NCK2: variants seen among roughly 807,000 people sequenced by gnomAD.
NCK2 encodes NCK adaptor protein 2, also known as cytoplasmic protein NCK2.
NCK2 carries 16 observed loss-of-function variants against 33.9 expected under a neutral mutation model. That is an observed-to-expected ratio of 0.47 (90% CI 0.32 to 0.72). The LOEUF is 0.72. Ranked by LOEUF, NCK2 falls within the 30% of genes least tolerant of loss-of-function variation. The probability of loss-of-function intolerance (pLI) is 0.03; values close to 1 mark genes in which losing one functional copy is unlikely to be tolerated. For synonymous variants in NCK2, 273 were observed against 239.9 expected (o/e 1.14, Z -1.27); for missense variants, 418 against 537.3 (o/e 0.78, Z 2.19).
chr2:105,748,478 G>A (rs889598175), intron 1 of NCK2, among the ~76,000 whole-genome samples: 7 of 152,092 alleles, frequency 4.6e-5, no homozygotes, highest in Admixed American at 6.5e-5. Context: ...TCGAGCTTCT[G>A]GGTTCAGGCA....
At chr2:105,841,209 G>A (rs1009158875) in intron 2 of NCK2, among the ~76,000 whole-genome samples, 2 of 150,312 alleles carry the variant, frequency 1.3e-5, no homozygotes, top group African/African-American at 2.5e-5. Flanking sequence ...TAACCTTTTC[G>A]CCTTAACCGC....
intron 1 of NCK2, among the ~76,000 whole-genome samples, chr2:105,766,167 T>C (rs1171572195): frequency 3.3e-5 from 5 of 151,742 alleles, no homozygotes; most frequent in Non-Finnish European, 5.9e-5. Flanking sequence ...AGTGGGGAAG[T>C]GGGGCCTAGG....
chr2:105,813,159 T>C (rs1675352912), intron 1 of NCK2, among the ~76,000 whole-genome samples: 2 of 152,172 alleles, frequency 1.3e-5, no homozygotes, highest in Non-Finnish European at 2.9e-5. Flanking sequence ...AAGATGTATC[T>C]CCCAGGGTTG....
chr2:105,823,133 TG>T (rs1436697991), intron 2 of NCK2, among the ~76,000 whole-genome samples: 1 of 2,152 alleles, frequency 4.6e-4, no homozygotes, highest in African/African-American at 2.4e-3. Flanking sequence ...CCTCTCATGC[TG>T]TGTGTGTGTG....
intron 1 of NCK2, among the ~76,000 whole-genome samples, chr2:105,746,418 G>C (rs1486544522): frequency 6.6e-6 from 1 of 152,210 alleles, no homozygotes; most frequent in Non-Finnish European, 1.5e-5. Context: ...AGTGATTCAG[G>C]GTGTTTTTCA....
intron 2 of NCK2, among the ~76,000 whole-genome samples, chr2:105,844,766 ATATGTATG>A (rs979516215): frequency 3.0e-5 from 4 of 132,728 alleles, no homozygotes; most frequent in African/African-American, 1.0e-4. Context: ...ATATATATAT[ATATGTATG>A]TATGTATATA....
chr2:105,746,431 C>A (rs1223893960), intron 1 of NCK2, among the ~76,000 whole-genome samples: 1 of 152,218 alleles, frequency 6.6e-6, no homozygotes, highest in East Asian at 1.9e-4. Context: ...GTTTTTCATG[C>A]CTCTGTTTTA....
At position 105,751,564 on chromosome 2, in the gene NCK2, A is replaced by G. The variant is rs185060709; in HGVS notation, c.-201+6426A>G. On this transcript the variant is annotated intron_variant, in intron 1 of 4. Transcript: ENST00000233154. ...TCCCCATATACACACATGCTGAGCT[A>G]CAAGTCATCTGTGGCCACCCACTGA... 4.6e-5 allele frequency among the ~76,000 whole-genome samples: 7 copies of G among 152,316 alleles called. No individual in the cohort carries two copies. In the East Asian group the frequency reaches 1.2e-3, roughly 25 times the overall value.
intron 1 of NCK2, among the ~76,000 whole-genome samples, chr2:105,758,323 G>C (rs777273129): frequency 1.3e-5 from 2 of 149,826 alleles, no homozygotes; most frequent in Non-Finnish European, 3.0e-5. Flanking sequence ...TTACAGGTTT[G>C]TTTTATCCTA....
rs770047813 is a variant in NCK2 at position 105,881,387 on chromosome 2, G to A, written c.286G>A (p.Asp96Asn). ...ARDASPTPST[D>N]AEYPANGSGA... ...GGATGCGTCCCCCACGCCCAGCACG[G>A]ACGCCGAGTACCCCGCCAATGGCAG... The change falls in exon 4 of 5, where the codon GAC (aspartate) becomes AAC (asparagine). Residue 96 changes from aspartate (D) to asparagine (N), a missense_variant. Asp to Asn is a conservative substitution (Grantham distance 23, BLOSUM62 1). Coordinates refer to ENST00000233154, the MANE Select transcript of NCK2 (RefSeq NM_003581.5). 6.8e-6 allele frequency: 11 copies of A among 1,611,024 alleles called. No individual in the cohort carries two copies. The South Asian group carries it at 1.2e-4, about 18-fold the overall frequency.
chr2:105,889,571 C>CT (rs35868906), intron 4 of NCK2, among the ~76,000 whole-genome samples: 1,738 of 132,754 alleles, frequency 0.013, 12 homozygotes, highest in Non-Finnish European at 0.018. Context: ...ATTTGCATTT[C>CT]TTTTTTTTTT....
chr2:105,799,162 G>A (rs1691181966), intron 1 of NCK2, among the ~76,000 whole-genome samples: 1 of 151,308 alleles, frequency 6.6e-6, no homozygotes, highest in African/African-American at 2.4e-5. Flanking sequence ...CTTTTTATTT[G>A]TCTTTGGAAT....
intron 3 of NCK2, among the ~76,000 whole-genome samples, chr2:105,872,313 G>A (rs923568270): frequency 6.6e-5 from 10 of 152,188 alleles, no homozygotes; most frequent in Non-Finnish European, 1.3e-4. Context: ...TGCCCTTGCT[G>A]TTCACAGTGT....
intron 1 of NCK2, among the ~76,000 whole-genome samples, chr2:105,807,415 G>A (rs747165313): frequency 6.6e-6 from 1 of 152,180 alleles, no homozygotes; most frequent in Non-Finnish European, 1.5e-5. Flanking sequence ...GTTGTTCTTT[G>A]TAGAAATAAA....
chr2:105,790,085 C>T (rs530226468), intron 1 of NCK2, among the ~76,000 whole-genome samples: 66 of 152,332 alleles, frequency 4.3e-4, no homozygotes, highest in African/African-American at 1.6e-3. Context: ...TGGAATGTTA[C>T]TTCCTATTTG....
At position 105,893,968 on chromosome 2, in the gene NCK2, A is replaced by C. The variant is rs908927393; in HGVS notation, c.*792A>C. 6.6e-6 allele frequency: 1 copy of C among 150,666 alleles called. No individual in the cohort carries two copies. Among genetic ancestry groups the C allele is most frequent in the African/African-American group, 2.5e-5 (1 of 40,682 alleles). The allele number at this position is 150,666 out of a possible 1,614,324, so 9.3% of individuals were successfully genotyped here. On this transcript the variant is annotated 3_prime_UTR_variant, in exon 5 of 5. Coordinates refer to ENST00000233154, the MANE Select transcript of NCK2 (RefSeq NM_003581.5). ...AAAACAGCTGATCTTTGGGGAAGGG[A>C]GCTACCAACACTTTATACACACACA... is the stretch of plus-strand genomic sequence containing the variant.
chr2:105,886,915 C>G (rs1456248071), intron 4 of NCK2, among the ~76,000 whole-genome samples: 1 of 152,152 alleles, frequency 6.6e-6, no homozygotes, highest in East Asian at 1.9e-4. Context: ...AAGATTACTT[C>G]CAAAGTTAAT....
intron 3 of NCK2, among the ~76,000 whole-genome samples, chr2:105,866,637 C>T (rs186507480): frequency 7.2e-5 from 11 of 152,300 alleles, no homozygotes; most frequent in Admixed American, 6.5e-4. Context: ...AATGCTGCAC[C>T]GCCTGACAGG....
Position 105,881,356 on chromosome 2 carries a change from C to A in NCK2, c.255C>A (p.Ser85Arg). 6.2e-7 allele frequency: 1 copy of A among 1,604,508 alleles called. No individual in the cohort carries two copies. The highest frequency in any genetic ancestry group is 8.5e-7 in the Non-Finnish European group (1 of 1,178,150). The stretch of plus-strand genomic sequence containing the variant: ...TCGGCAAGACGCGCAGGAAGACCAG[C>A]GCGCGGGATGCGTCCCCCACGCCCA... ...LGLGKTRRKT[S>R]ARDASPTPST... The change falls in exon 4 of 5, where the codon AGC (serine) becomes AGA (arginine). Residue 85 changes from serine to arginine, a missense_variant. Transcript: ENST00000233154.
Sources: gnomAD v4.1 joint callset for allele counts (sites outside exome capture counted in the v4.1 genomes callset) on GRCh38, gnomAD v4.1.1 for gene constraint, MANE v1.5 for transcripts, NCBI Gene and HGNC (gene_info 2026-07-23, HGNC 2026-07-21) for gene names.